The following TMEM65 variants were observed in gnomAD, a reference collection of about 807,000 sequenced individuals.
TMEM65 encodes the protein transmembrane protein 65.
Under a neutral mutation model 25.4 loss-of-function variants are expected in TMEM65, and 22 were observed. The ratio of observed to expected loss-of-function variants is 0.86; its 90% confidence interval spans 0.62 to 1.23. TMEM65 has a LOEUF of 1.23. Ranked by LOEUF, TMEM65 falls within the 50% of genes most tolerant of loss-of-function variation. TMEM65 has a pLI of 0.00. For synonymous variants in TMEM65, 132 were observed against 126.2 expected (o/e 1.05, Z -0.31); for missense variants, 262 against 308.2 (o/e 0.85, Z 1.12).
intron 1 of TMEM65, among the ~76,000 whole-genome samples, chr8:124,361,916 G>GT (rs1814868858): frequency 6.6e-6 from 1 of 151,514 alleles, no homozygotes; most frequent in African/African-American, 2.4e-5. Context: ...TTGAGATGGA[G>GT]TTTCGCTCTT....
chr8:124,325,211 A>C (rs1158284923), intron 3 of TMEM65, among the ~76,000 whole-genome samples: 2 of 152,006 alleles, frequency 1.3e-5, no homozygotes, highest in Non-Finnish European at 2.9e-5. Flanking sequence ...AAAAAAAAGA[A>C]GAATCAACTA....
chr8:124,320,146 T>C lies in TMEM65; in HGVS notation c.561A>G (p.Ser187=), dbSNP rs115222628. Residue 187 remains serine, a synonymous_variant, in exon 6 of 7, where the codon TCA becomes TCG. Transcript: ENST00000297632. ...CTTGCTTTGGTGTGAGATCAGGAAT[T>C]GACAGGCCTAACCTGGAAGCCAATG... ...VEALASRLGL[S]IPDLTPKQVD... is the part of the protein sequence containing the mutation. 5.6e-6 allele frequency: 9 copies of C among 1,613,410 alleles called. No homozygotes were observed. The highest frequency in any genetic ancestry group is 1.1e-5 in the South Asian group (1 of 91,060).
intron 4 of TMEM65, among the ~76,000 whole-genome samples, chr8:124,322,537 C>T (rs1814316265): frequency 6.6e-6 from 1 of 152,048 alleles, no homozygotes; most frequent in South Asian, 2.1e-4. Context: ...CTAATGCTTT[C>T]TACAATAAAT....
chr8:124,371,879 G>T lies in TMEM65; in HGVS notation c.279C>A (p.Arg93=). The change falls in exon 1 of 7, where the codon CGC becomes CGA. Residue 93 remains arginine (R), a synonymous_variant. Transcript: ENST00000297632. ...ERSCLLKELH[R]FESIAIAQEK... is the part of the protein sequence containing the mutation. ...CTTGGGCAATGGCAATAGACTCGAAGCGGTGCAGCTCTTTGAGCAGGCAGC... is the reference window on the plus strand; with the variant it reads ...CTTGGGCAATGGCAATAGACTCGAATCGGTGCAGCTCTTTGAGCAGGCAGC... 8.4e-6 allele frequency: 13 copies of T among 1,546,880 alleles called. No homozygotes were observed. The highest frequency in any genetic ancestry group is 1.0e-5 in the Non-Finnish European group (12 of 1,152,022).
intron 5 of TMEM65, among the ~76,000 whole-genome samples, chr8:124,321,766 C>T (rs893758921): frequency 1.3e-5 from 2 of 152,074 alleles, no homozygotes; most frequent in Non-Finnish European, 2.9e-5. Context: ...CATATAAATA[C>T]TTCAGTAAAC....
intron 1 of TMEM65, among the ~76,000 whole-genome samples, chr8:124,367,389 G>C (rs374249412): frequency 6.6e-6 from 1 of 152,078 alleles, no homozygotes; most frequent in Non-Finnish European, 1.5e-5. Context: ...CAGGAGAATC[G>C]CTTGAACCTG....
chr8:124,342,559 G>A (rs1305094551), intron 1 of TMEM65, among the ~76,000 whole-genome samples: 4 of 152,104 alleles, frequency 2.6e-5, no homozygotes, highest in Non-Finnish European at 4.4e-5. Context: ...CAAGTGCTAT[G>A]CACCTGAATT....
rs115167847 is a variant in TMEM65, at chr8:124,341,326, A to G, written c.305-10534T>C. On this transcript the variant is annotated intron_variant, in intron 1 of 6. Transcript: ENST00000297632. ...TAGGTTTGCAAAGGACGAATCTTGT[A>G]AAAAGAATTTTATGTGTGACAAAGC... is the stretch of plus-strand genomic sequence containing the variant. Among the ~76,000 whole-genome samples, 1,345 of 152,164 alleles carry G rather than the reference A, an allele frequency of 8.8e-3. 20 individuals are homozygous for G. The highest frequency in any genetic ancestry group is 0.03 in the African/African-American group (1,259 of 41,578).
rs904951590 is a variant in TMEM65 at position 124,312,320 on chromosome 8, A to C, written c.*1640T>G. ...GTGCATGTTATATATTTATTTTTAGATTATATGCTATATTTTTATGCTTTC... is the reference window on the plus strand; with the variant it reads ...GTGCATGTTATATATTTATTTTTAGCTTATATGCTATATTTTTATGCTTTC... On this transcript the variant is annotated 3_prime_UTR_variant, in exon 7 of 7. Coordinates refer to ENST00000297632, the MANE Select transcript of TMEM65 (RefSeq NM_194291.3). 7 of 151,996 alleles carry C rather than the reference A, an allele frequency of 4.6e-5. No homozygotes were observed. The highest frequency in any genetic ancestry group is 2.1e-4 in the South Asian group (1 of 4,832). 9.4% of individuals were successfully genotyped at this position (151,996 alleles called of 1,614,324 possible).
intron 1 of TMEM65, among the ~76,000 whole-genome samples, chr8:124,338,906 C>T (rs1235684468): frequency 6.6e-6 from 1 of 151,920 alleles, no homozygotes; most frequent in African/African-American, 2.4e-5. Context: ...AGAATATATT[C>T]TTGGCCAGGC....
intron 1 of TMEM65, among the ~76,000 whole-genome samples, chr8:124,332,773 C>A (rs184874556): frequency 1.3e-5 from 2 of 151,996 alleles, no homozygotes; most frequent in East Asian, 3.9e-4. Context: ...AAGTGACAAT[C>A]TTATTAGGAA....
At chr8:124,355,850 T>C (rs1445368780) in intron 1 of TMEM65, among the ~76,000 whole-genome samples, 1 of 152,136 alleles carries the variant, frequency 6.6e-6, no homozygotes, top group South Asian at 2.1e-4. Flanking sequence ...TACAGCTAAA[T>C]AGTAGGTGAA....
intron 1 of TMEM65, among the ~76,000 whole-genome samples, chr8:124,357,818 T>C (rs868454250): frequency 6.4e-5 from 9 of 139,670 alleles, no homozygotes; most frequent in South Asian, 4.6e-4. Flanking sequence ...TATATATTTT[T>C]ACTTTTTTAT....
intron 1 of TMEM65, among the ~76,000 whole-genome samples, chr8:124,363,162 TAC>T (rs760059208): frequency 7.2e-5 from 11 of 152,216 alleles, no homozygotes; most frequent in Non-Finnish European, 1.5e-4. Context: ...TTTGAGACGT[TAC>T]ACAGAGGGTC....
chr8:124,327,249 A>C, intron 3 of TMEM65, 105 bp downstream of exon 3: 1 of 729,000 alleles, frequency 1.4e-6, no homozygotes, highest in Non-Finnish European at 2.3e-6. Context: ...ATCCTTGTTC[A>C]TTATGATATT....
rs904843322 is a variant in TMEM65 at position 124,349,898 on chromosome 8, T to G, written c.305-19106A>C. On this transcript the variant is annotated intron_variant, in intron 1 of 6. Transcript: ENST00000297632. ...TATCTTATTCTTAATAGAATAAAAT[T>G]TGAATTTTATTTGAATAAATTTGAA... Among the ~76,000 whole-genome samples the G allele has an allele frequency of 2.0e-5, 3 of 152,142 alleles. No homozygotes were observed. The East Asian group carries it at 5.8e-4, about 29-fold the overall frequency.
intron 5 of TMEM65, among the ~76,000 whole-genome samples, chr8:124,320,434 A>C (rs1814290025): frequency 6.6e-6 from 1 of 152,224 alleles, no homozygotes. Flanking sequence ...ATATTGTTTA[A>C]AAATATTTTA....
chr8:124,320,177 A>C lies in TMEM65; in HGVS notation c.530T>G (p.Val177Gly), dbSNP rs547947701. 6.2e-7 allele frequency: 1 copy of C among 1,612,798 alleles called. No homozygotes were observed. The highest frequency in any genetic ancestry group is 1.7e-5 in the Admixed American group (1 of 59,942). The change falls in exon 6 of 7, where the codon GTT becomes GGT. Residue 177 changes from valine to glycine, a missense_variant. Transcript: ENST00000297632. The part of the protein sequence containing the change: ...DLAGLGLAGY[V>G]EALASRLGLS... ...GCCTAACCTGGAAGCCAATGCTTCA[A>C]CGTAGCCTGCAAGTCTTTGAAGAAA... is the stretch of plus-strand genomic sequence containing the variant.
At chr8:124,326,225 T>C (rs1398579597) in intron 3 of TMEM65, among the ~76,000 whole-genome samples, 2 of 152,042 alleles carry the variant, frequency 1.3e-5, no homozygotes, top group African/African-American at 2.4e-5. Flanking sequence ...TCAAAGTATA[T>C]GATATTTTTT....
Sources: allele counts gnomAD v4.1 joint callset (sites outside exome capture counted in the v4.1 genomes callset), GRCh38; gene constraint gnomAD v4.1.1; transcripts MANE v1.5; gene names NCBI Gene and HGNC (gene_info 2026-07-23, HGNC 2026-07-21).